Variants in CACNA2D3 observed in about 807,000 individuals in gnomAD.
CACNA2D3 encodes the protein voltage-dependent calcium channel subunit alpha-2/delta-3.
A neutral mutation model predicts 160.6 loss-of-function variants in CACNA2D3; 60 were observed. That is an observed-to-expected ratio of 0.37 (90% confidence interval 0.30 to 0.46). The LOEUF (loss-of-function observed/expected upper bound fraction) is 0.46. Ranked by LOEUF, CACNA2D3 falls within the 20% of genes least tolerant of loss-of-function variation. CACNA2D3 has a pLI of 1.00. For missense variants in CACNA2D3, 1,205 were observed against 1,365.0 expected, an observed-to-expected ratio of 0.88 and a Z score of 1.85; for synonymous variants, 558 against 492.9, an observed-to-expected ratio of 1.13 and a Z score of -1.75.
chr3:55,031,813 A>G (rs1177751934), intron 35 of CACNA2D3, among the ~76,000 whole-genome samples: 2 of 152,234 alleles, frequency 1.3e-5, no homozygotes, highest in Non-Finnish European at 2.9e-5. Context: ...CCTATGATCC[A>G]GAATAATTAG....
rs1228413593 is a variant in CACNA2D3 at position 54,762,487 on chromosome 3, C to T, written c.1247-1731C>T. ...GTTGAATGTGCCATTTTGTAATTGTCTGTTTACTCAGAACTGCCAGGCCCC... is the reference window on the plus strand; with the variant it reads ...GTTGAATGTGCCATTTTGTAATTGTTTGTTTACTCAGAACTGCCAGGCCCC... On this transcript the variant is annotated intron_variant, in intron 12 of 37. Transcript: ENST00000474759. 7.2e-5 allele frequency among the ~76,000 whole-genome samples: 11 copies of T among 152,330 alleles called. 1 individual carries two copies. Among genetic ancestry groups the T allele is most frequent in the Admixed American group, 7.2e-4 (11 of 15,308 alleles).
intron 3 of CACNA2D3, among the ~76,000 whole-genome samples, chr3:54,350,986 G>GGT (rs1559457831): frequency 6.1e-5 from 4 of 65,952 alleles, no homozygotes; most frequent in Non-Finnish European, 1.2e-4. Context: ...TTTTTTGTTT[G>GGT]TTTTTTTTTT....
At chr3:54,366,272 CA>C (rs929250831) in intron 3 of CACNA2D3, among the ~76,000 whole-genome samples, 2 of 152,148 alleles carry the variant, frequency 1.3e-5, no homozygotes, top group Non-Finnish European at 2.9e-5. Flanking sequence ...TAGTCAGAGA[CA>C]CCACATGTGG....
chr3:54,215,010 CGTCA>C lies in CACNA2D3; in HGVS notation c.204+91422_204+91425del, dbSNP rs573400624. Among the ~76,000 whole-genome samples, 246 of 152,242 alleles carry C rather than the reference CGTCA, an allele frequency of 1.6e-3. 3 individuals are homozygous for C. The highest frequency in any genetic ancestry group is 1.9e-3 in the Non-Finnish European group (131 of 68,024). ...GTCCTCAGATGTGACATCTTCCAGG[CGTCA>C]GTCAGCTGAGATGTGGCTGTGACAT... On this transcript the variant is annotated intron_variant, in intron 2 of 37. Transcript: ENST00000474759.
At chr3:54,951,163 TG>T (rs1283732111) in intron 27 of CACNA2D3, among the ~76,000 whole-genome samples, 9 of 152,204 alleles carry the variant, frequency 5.9e-5, no homozygotes, top group Non-Finnish European at 1.3e-4. Flanking sequence ...TGTAATATTT[TG>T]GGGCATAACT....
intron 9 of CACNA2D3, among the ~76,000 whole-genome samples, chr3:54,605,874 A>G (rs1698597810): frequency 6.6e-6 from 1 of 152,210 alleles, no homozygotes; most frequent in African/African-American, 2.4e-5. Context: ...AAATCATTTC[A>G]TATGAATTTG....
chr3:54,195,034 C>T (rs1238001911), intron 2 of CACNA2D3, among the ~76,000 whole-genome samples: 1 of 152,194 alleles, frequency 6.6e-6, no homozygotes, highest in African/African-American at 2.4e-5. Context: ...GTGGTCACTC[C>T]CATGCTAAGT....
intron 28 of CACNA2D3, 29 bp from the exon 29 acceptor site, chr3:54,969,771 A>G: frequency 6.2e-7 from 1 of 1,609,760 alleles, no homozygotes; most frequent in Middle Eastern, 1.7e-4. Context: ...ACATAGTAAC[A>G]CATTTCCCTC....
chr3:54,439,873 C>T (rs1700116771), intron 4 of CACNA2D3, among the ~76,000 whole-genome samples: 3 of 152,328 alleles, frequency 2.0e-5, no homozygotes, highest in Middle Eastern at 3.4e-3. Flanking sequence ...CCACAACTGT[C>T]TGCAGTGCTT....
At chr3:54,825,961 G>T (rs901895727) in intron 14 of CACNA2D3, among the ~76,000 whole-genome samples, 3 of 152,014 alleles carry the variant, frequency 2.0e-5, no homozygotes, top group Admixed American at 1.3e-4. Flanking sequence ...CATACCATAT[G>T]TGCATATGCA....
chr3:55,049,156 G>A, intron 35 of CACNA2D3, among the ~76,000 whole-genome samples: 1 of 151,678 alleles, frequency 6.6e-6, no homozygotes, highest in East Asian at 1.9e-4. Context: ...TTTTGAATGT[G>A]TTTGCTCTTG....
chr3:54,898,275 T>C (rs1700245143), intron 26 of CACNA2D3, among the ~76,000 whole-genome samples: 1 of 149,866 alleles, frequency 6.7e-6, no homozygotes, highest in African/African-American at 2.5e-5. Flanking sequence ...CAGGTTGGAG[T>C]GCAGTGGCAT....
intron 2 of CACNA2D3, among the ~76,000 whole-genome samples, chr3:54,281,471 G>C (rs142107536): frequency 2.0e-5 from 3 of 152,224 alleles, no homozygotes; most frequent in Admixed American, 1.3e-4. Context: ...GAAGTGCTGG[G>C]CTCTGAGGGG....
chr3:54,595,323 T>TGGGG (rs143145735), intron 9 of CACNA2D3, among the ~76,000 whole-genome samples: 10 of 150,152 alleles, frequency 6.7e-5, no homozygotes, highest in African/African-American at 2.2e-4. Context: ...GGTGTGTGTG[T>TGGGG]GTGTGTGTGT....
At chr3:54,921,835 A>G (rs938981778) in intron 27 of CACNA2D3, among the ~76,000 whole-genome samples, 6 of 152,220 alleles carry the variant, frequency 3.9e-5, no homozygotes, top group African/African-American at 9.6e-5. Context: ...TATTGCATAT[A>G]TAACTAAAGT....
chr3:54,957,560 C>T (rs192405151), intron 27 of CACNA2D3, among the ~76,000 whole-genome samples: 2 of 152,312 alleles, frequency 1.3e-5, no homozygotes, highest in African/African-American at 4.8e-5. Flanking sequence ...CATGTTCAAA[C>T]TTATCAAACT....
At chr3:54,316,856 A>G (rs1311908204) in intron 2 of CACNA2D3, among the ~76,000 whole-genome samples, 1 of 152,246 alleles carries the variant, frequency 6.6e-6, no homozygotes, top group Non-Finnish European at 1.5e-5. Flanking sequence ...AAACACATAC[A>G]GGTAACAGAT....
intron 4 of CACNA2D3, among the ~76,000 whole-genome samples, chr3:54,499,832 G>A (rs531556264): frequency 3.2e-4 from 49 of 152,158 alleles, no homozygotes; most frequent in Non-Finnish European, 5.7e-4. Flanking sequence ...TTCCAAGCAA[G>A]CATCTTTACA....
chr3:54,500,707 T>G (rs1701281332), intron 4 of CACNA2D3, among the ~76,000 whole-genome samples: 1 of 152,122 alleles, frequency 6.6e-6, no homozygotes, highest in South Asian at 2.1e-4. Context: ...AGCATATAAA[T>G]TATGCTTCCT....
Sources: gnomAD v4.1 joint callset for allele counts (sites outside exome capture counted in the v4.1 genomes callset) on GRCh38, gnomAD v4.1.1 for gene constraint, MANE v1.5 for transcripts, NCBI Gene and HGNC (gene_info 2026-07-23, HGNC 2026-07-21) for gene names.